The following IGF2BP2 variants were observed in gnomAD, a reference collection of about 807,000 sequenced individuals.
The protein encoded by IGF2BP2 is insulin like growth factor 2 mRNA binding protein 2, also known as insulin-like growth factor 2 mRNA-binding protein 2.
In IGF2BP2, 17 loss-of-function variants were observed where a neutral mutation model predicts 75.8. The ratio of observed to expected loss-of-function variants is 0.22; its 90% CI spans 0.15 to 0.34. The LOEUF is 0.34. Among genes scored for constraint, IGF2BP2 ranks in the 10% least tolerant of loss-of-function variants. The pLI, the probability that IGF2BP2 is intolerant of heterozygous loss-of-function variation, is 1.00. For synonymous variants in IGF2BP2, 288 were observed against 295.6 expected (o/e 0.97, Z 0.26); for missense variants, 516 against 772.4 (o/e 0.67, Z 3.93).
intron 2 of IGF2BP2, among the ~76,000 whole-genome samples, chr3:185,704,047 C>CA (rs1723673420): frequency 6.6e-6 from 1 of 152,126 alleles, no homozygotes; most frequent in African/African-American, 2.4e-5. Context: ...GCAAGAGAGG[C>CA]AACATAGAGG....
intron 2 of IGF2BP2, among the ~76,000 whole-genome samples, chr3:185,707,294 GCTTTTT>G (rs1724173380): frequency 3.0e-5 from 3 of 101,674 alleles, no homozygotes; most frequent in African/African-American, 4.2e-5. Context: ...TAACGAAGGG[GCTTTTT>G]TTTTTTTTTT....
intron 7 of IGF2BP2, among the ~76,000 whole-genome samples, chr3:185,681,821 C>CA (rs1232909321): frequency 6.6e-6 from 1 of 152,146 alleles, no homozygotes; most frequent in Non-Finnish European, 1.5e-5. Context: ...GGGGAAAGAG[C>CA]AGTCTATTCA....
chr3:185,676,801 T>C (rs1290121276), intron 7 of IGF2BP2, among the ~76,000 whole-genome samples: 1 of 145,256 alleles, frequency 6.9e-6, no homozygotes, highest in Non-Finnish European at 1.5e-5. Context: ...AATATATATA[T>C]ATTTACTGGA....
chr3:185,696,078 C>T (rs1376359269), intron 4 of IGF2BP2, among the ~76,000 whole-genome samples: 4 of 152,160 alleles, frequency 2.6e-5, no homozygotes, highest in Admixed American at 2.6e-4. Flanking sequence ...TGAGCCACCA[C>T]ACCTGGCCTC....
At chr3:185,656,696 T>G (rs1053254384) in intron 12 of IGF2BP2, among the ~76,000 whole-genome samples, 6 of 152,210 alleles carry the variant, frequency 3.9e-5, no homozygotes, top group African/African-American at 1.4e-4. Flanking sequence ...GCTTCTCTGA[T>G]GATTCTCCAC....
chr3:185,749,952 G>A (rs567878062), intron 2 of IGF2BP2, among the ~76,000 whole-genome samples: 1 of 152,264 alleles, frequency 6.6e-6, no homozygotes. Flanking sequence ...TATCACCCAC[G>A]CGGACTTACT....
intron 13 of IGF2BP2, among the ~76,000 whole-genome samples, chr3:185,651,171 A>G (rs1577805625): frequency 1.3e-5 from 2 of 151,078 alleles, no homozygotes; most frequent in African/African-American, 4.9e-5. Flanking sequence ...TTGGCCTCCT[A>G]AAGTGTTGGG....
chr3:185,735,380 A>G (rs979290962), intron 2 of IGF2BP2, among the ~76,000 whole-genome samples: 1 of 152,178 alleles, frequency 6.6e-6, no homozygotes, highest in African/African-American at 2.4e-5. Flanking sequence ...TCCTGACTTC[A>G]GGTGATCCAC....
At chr3:185,713,678 T>G (rs908158745) in intron 2 of IGF2BP2, among the ~76,000 whole-genome samples, 4 of 152,186 alleles carry the variant, frequency 2.6e-5, no homozygotes, top group Non-Finnish European at 5.9e-5. Context: ...TAAATTTATA[T>G]TTTAGAAGTA....
intron 2 of IGF2BP2, among the ~76,000 whole-genome samples, chr3:185,706,601 T>C (rs768098319): frequency 1.6e-4 from 24 of 152,226 alleles, no homozygotes; most frequent in Non-Finnish European, 3.4e-4. Flanking sequence ...TTCAGGATTC[T>C]ATAAATCTTT....
At chr3:185,760,388 T>C (rs905606916) in intron 2 of IGF2BP2, among the ~76,000 whole-genome samples, 50 of 152,338 alleles carry the variant, frequency 3.3e-4, no homozygotes, top group African/African-American at 1.2e-3. Context: ...AACAGCTTTA[T>C]TGAGATGTAA....
chr3:185,790,897 A>T (rs988489607), intron 2 of IGF2BP2, among the ~76,000 whole-genome samples: 4 of 152,238 alleles, frequency 2.6e-5, no homozygotes, highest in Non-Finnish European at 5.9e-5. Context: ...ACGTAATGGT[A>T]AACTGCCCAC....
chr3:185,823,774 C>T (rs1351725507), intron 1 of IGF2BP2, among the ~76,000 whole-genome samples: 1 of 151,880 alleles, frequency 6.6e-6, no homozygotes, highest in Non-Finnish European at 1.5e-5. Flanking sequence ...TCCCGCCGGG[C>T]CGGGGTTCGG....
chr3:185,754,400 G>A (rs184433387), intron 2 of IGF2BP2, among the ~76,000 whole-genome samples: 2 of 151,922 alleles, frequency 1.3e-5, no homozygotes, highest in African/African-American at 4.8e-5. Flanking sequence ...ATTAAACTTC[G>A]TTTCTTTATA....
chr3:185,665,438 AGAAGG>A (rs1717305251), intron 10 of IGF2BP2, among the ~76,000 whole-genome samples: 2 of 129,890 alleles, frequency 1.5e-5, no homozygotes, highest in Non-Finnish European at 3.4e-5. Context: ...GAGGAGGAGG[AGAAGG>A]AGGAGGAGGA....
chr3:185,654,409 G>A (rs565274132), intron 12 of IGF2BP2, among the ~76,000 whole-genome samples: 69 of 152,336 alleles, frequency 4.5e-4, no homozygotes, highest in African/African-American at 1.5e-3. Flanking sequence ...AAGCAAGAGA[G>A]AGCAGATCAT....
At position 185,649,560 on chromosome 3, in the gene IGF2BP2, ACT is replaced by A. The variant is rs1218833101; in HGVS notation, c.1462-28_1462-27del. ...CTGAGAGAGCAAGACATGACTAATGACTCTCAGTCAGCCAGCAGCCGGCCACT... is the reference window on the plus strand; with the variant it reads ...CTGAGAGAGCAAGACATGACTAATGACTCAGTCAGCCAGCAGCCGGCCACT... On this transcript the variant is annotated intron_variant, in intron 13 of 15. Coordinates refer to ENST00000382199, the MANE Select transcript of IGF2BP2 (RefSeq NM_006548.6). 6 of 1,612,898 alleles carry A rather than the reference ACT, an allele frequency of 3.7e-6. No homozygotes were observed. The South Asian group carries it at 5.5e-5, about 15-fold the overall frequency.
intron 12 of IGF2BP2, 24 bp from the exon 13 acceptor site, chr3:185,652,192 C>A: frequency 6.3e-7 from 1 of 1,587,982 alleles, no homozygotes; most frequent in Non-Finnish European, 8.6e-7. Context: ...GAGAGGAAAA[C>A]GCTGATGCTC....
chr3:185,647,191 G>C lies in IGF2BP2; in HGVS notation c.1594-53C>G. The C allele has an allele frequency of 7.7e-7, 1 of 1,292,710 alleles. No homozygotes were observed. The highest frequency in any genetic ancestry group is 1.7e-5 in the Admixed American group (1 of 59,642). The allele number at this position is 1,292,710 out of a possible 1,614,324, so 80.1% of individuals were successfully genotyped here. A position where few individuals can be genotyped will look rare whatever the true frequency, so the allele number is the denominator to read the frequency against. The stretch of plus-strand genomic sequence containing the variant: ...GGATAGGTTCCCTCCCCGTCAACGT[G>C]GTGGGCTCAGGACGGAGTGAGGGGC... On this transcript the variant is annotated intron_variant, in intron 14 of 15. Coordinates refer to ENST00000382199, the MANE Select transcript of IGF2BP2 (RefSeq NM_006548.6). The surrounding 1 kb of genome is among the most constrained non-coding windows in gnomAD (Gnocchi z 4.9).
Sources: allele counts gnomAD v4.1 joint callset (sites outside exome capture counted in the v4.1 genomes callset), GRCh38; gene constraint gnomAD v4.1.1; non-coding constraint Gnocchi (gnomAD v3.1); transcripts MANE v1.5; gene names NCBI Gene and HGNC (gene_info 2026-07-23, HGNC 2026-07-21).